The following CRISPLD1 variants were observed in gnomAD, a reference collection of about 807,000 sequenced individuals.
CRISPLD1 encodes the protein cysteine rich secretory protein LCCL domain containing 1.
CRISPLD1 carries 60 observed loss-of-function variants against 77.5 expected under a neutral mutation model. The ratio of observed to expected loss-of-function variants is 0.77; its 90% CI spans 0.63 to 0.96. The LOEUF is 0.96. Ranked by LOEUF, CRISPLD1 falls within the 40% of genes least tolerant of loss-of-function variation. CRISPLD1 has a pLI of 0.00. For missense variants in CRISPLD1, 623 were observed against 615.8 expected, an observed-to-expected ratio of 1.01 and a Z score of -0.12; for synonymous variants, 195 against 200.1, an observed-to-expected ratio of 0.97 and a Z score of 0.22.
intron 2 of CRISPLD1, among the ~76,000 whole-genome samples, 158 bp downstream of exon 2, chr8:74,986,403 C>T (rs1322499130): frequency 6.6e-6 from 1 of 152,076 alleles, no homozygotes; most frequent in Non-Finnish European, 1.5e-5. Flanking sequence ...ATTAATGTTC[C>T]TTTTGTTTCT....
At chr8:75,000,537 A>G (rs1812722352) in intron 2 of CRISPLD1, 4 of 478,724 alleles carry the variant, frequency 8.4e-6, no homozygotes, top group Non-Finnish European at 1.1e-5. Context: ...TGCAGATGTG[A>G]GAATGCCTAT....
chr8:74,988,090 C>T (rs931665011), intron 2 of CRISPLD1, among the ~76,000 whole-genome samples: 29 of 152,288 alleles, frequency 1.9e-4, no homozygotes, highest in African/African-American at 6.3e-4. Context: ...TGGCCATTAA[C>T]TGGGCTGCAG....
intron 10 of CRISPLD1, among the ~76,000 whole-genome samples, chr8:75,019,017 A>G (rs1011050444): frequency 6.6e-6 from 1 of 152,216 alleles, no homozygotes; most frequent in African/African-American, 2.4e-5. Flanking sequence ...GTTAAAGGAC[A>G]TTTATCCTGT....
At chr8:74,997,151 T>C (rs951227191) in intron 2 of CRISPLD1, among the ~76,000 whole-genome samples, 2 of 152,200 alleles carry the variant, frequency 1.3e-5, no homozygotes, top group African/African-American at 4.8e-5. Context: ...GTCTACCTTA[T>C]AGGGAATCAT....
At chr8:75,002,525 A>G (rs1017437461) in intron 2 of CRISPLD1, among the ~76,000 whole-genome samples, 1 of 151,764 alleles carries the variant, frequency 6.6e-6, no homozygotes, top group Non-Finnish European at 1.5e-5. Context: ...AAGGGCCTAT[A>G]TGCAGAGTTG....
chr8:74,993,775 G>A lies in CRISPLD1; in HGVS notation c.258+7530G>A, dbSNP rs190838789. ...ATATGCCACAAAATTTTGGAATTGT[G>A]CTTTTATTCATTCCTTTATTCAGCA... On this transcript the variant is annotated intron_variant, in intron 2 of 14. Transcript: ENST00000262207. 6.3e-3 allele frequency among the ~76,000 whole-genome samples: 953 copies of A among 152,282 alleles called. 9 individuals are homozygous for A. The highest frequency in any genetic ancestry group is 0.01 in the Non-Finnish European group (707 of 68,022).
At chr8:75,019,596 T>TA (rs1813096932) in intron 10 of CRISPLD1, among the ~76,000 whole-genome samples, 1 of 151,238 alleles carries the variant, frequency 6.6e-6, no homozygotes, top group South Asian at 2.1e-4. Flanking sequence ...AATATATTTT[T>TA]TATATATATA....
intron 2 of CRISPLD1, among the ~76,000 whole-genome samples, chr8:74,999,973 G>T (rs1188200734): frequency 6.6e-6 from 1 of 150,582 alleles, no homozygotes; most frequent in Non-Finnish European, 1.5e-5. Context: ...AACCTTAAAG[G>T]CCATATGAGT....
At chr8:75,030,820 G>A (rs1313431746) in intron 14 of CRISPLD1, among the ~76,000 whole-genome samples, 1 of 150,994 alleles carries the variant, frequency 6.6e-6, no homozygotes, top group Admixed American at 6.6e-5. Context: ...GTATGTGTAT[G>A]TATATATGTG....
intron 2 of CRISPLD1, among the ~76,000 whole-genome samples, chr8:74,987,867 A>G (rs1406607302): frequency 6.6e-6 from 1 of 152,252 alleles, no homozygotes; most frequent in Admixed American, 6.5e-5. Flanking sequence ...TATGGAAATC[A>G]TGAAAGAACA....
chr8:75,005,467 A>G (rs751551665), intron 2 of CRISPLD1, among the ~76,000 whole-genome samples: 21 of 152,140 alleles, frequency 1.4e-4, no homozygotes, highest in Non-Finnish European at 2.8e-4. Flanking sequence ...GGTTTGAGTC[A>G]TTTGAACAAT....
intron 5 of CRISPLD1, 39 bp downstream of exon 5, chr8:75,014,141 C>T: frequency 7.7e-7 from 1 of 1,304,358 alleles, no homozygotes; most frequent in Non-Finnish European, 1.1e-6. Flanking sequence ...GTACATTTTT[C>T]TTAACAAAAT....
chr8:75,005,950 G>A (rs1251994137), intron 2 of CRISPLD1, among the ~76,000 whole-genome samples: 2 of 152,102 alleles, frequency 1.3e-5, no homozygotes, highest in African/African-American at 4.8e-5. Context: ...GGGGGTACAG[G>A]TGCAGGTTTG....
chr8:75,016,290 G>T (rs1045613212), intron 6 of CRISPLD1, among the ~76,000 whole-genome samples: 1 of 152,042 alleles, frequency 6.6e-6, no homozygotes, highest in African/African-American at 2.4e-5. Flanking sequence ...ATCAAACAAT[G>T]ATATGTTGAA....
rs371770255 is a variant in CRISPLD1 at position 75,012,497 on chromosome 8, G to C, written c.323G>C (p.Gly108Ala). 29 of 1,612,978 alleles carry C rather than the reference G, an allele frequency of 1.8e-5. No individual in the cohort carries two copies. The highest frequency in any genetic ancestry group is 2.4e-5 in the Non-Finnish European group (28 of 1,179,290). ...SWAESCLWEH[G>A]PASLLPSIGQ... ...GCTGAAAGTTGCTTGTGGGAACATG[G>C]ACCTGCAAGCTTGCTTCCATCAATT... The change falls in exon 3 of 15, where the codon GGA (glycine) becomes GCA (alanine). Residue 108 changes from glycine (G) to alanine (A), a missense_variant. Physicochemically the swap from Gly to Ala is moderately conservative, Grantham distance 60. Coordinates refer to ENST00000262207, the MANE Select transcript of CRISPLD1 (RefSeq NM_031461.6).
At chr8:75,022,047 T>A (rs1035055623) in intron 12 of CRISPLD1, among the ~76,000 whole-genome samples, 4 of 152,114 alleles carry the variant, frequency 2.6e-5, no homozygotes. Context: ...ACAAAAGGGA[T>A]AAATCAAGTA....
intron 2 of CRISPLD1, among the ~76,000 whole-genome samples, chr8:74,995,952 T>C: frequency 6.6e-6 from 1 of 151,648 alleles, no homozygotes; most frequent in Non-Finnish European, 1.5e-5. Context: ...TGCACATGCT[T>C]TAAAACTTAA....
At chr8:75,005,854 A>C (rs1380915888) in intron 2 of CRISPLD1, among the ~76,000 whole-genome samples, 2 of 152,206 alleles carry the variant, frequency 1.3e-5, no homozygotes, top group Non-Finnish European at 2.9e-5. Context: ...CTTCCAGCAT[A>C]ACTGCCTTTG....
intron 7 of CRISPLD1, 25 bp from the exon 8 acceptor site, chr8:75,016,856 T>A (rs1248243410): frequency 6.5e-7 from 1 of 1,541,472 alleles, no homozygotes; most frequent in South Asian, 1.2e-5. Context: ...TTATTTAAGT[T>A]ATTTAGGTAT....
Sources: allele counts gnomAD v4.1 joint callset (sites outside exome capture counted in the v4.1 genomes callset), GRCh38; gene constraint gnomAD v4.1.1; transcripts MANE v1.5; gene names NCBI Gene and HGNC (gene_info 2026-07-23, HGNC 2026-07-21).